TMEM132D: variants seen among roughly 807,000 people sequenced by gnomAD.
The protein encoded by TMEM132D is transmembrane protein 132D, also known as mature OL transmembrane protein.
In TMEM132D, 21 loss-of-function variants were observed where a neutral mutation model predicts 62.3. The observed-to-expected ratio is 0.34, with a 90% CI of 0.24 to 0.49. TMEM132D has a LOEUF of 0.49. TMEM132D is among the 20% of genes least tolerant of loss of function. TMEM132D has a pLI of 0.99. For missense variants in TMEM132D, 1,346 were observed against 1,402.8 expected, an observed-to-expected ratio of 0.96 and a Z score of 0.65; for synonymous variants, 621 against 575.6, an observed-to-expected ratio of 1.08 and a Z score of -1.13.
chr12:129,115,515 A>C (rs555467961), intron 5 of TMEM132D, among the ~76,000 whole-genome samples: 2 of 152,282 alleles, frequency 1.3e-5, no homozygotes, highest in South Asian at 4.2e-4. Context: ...CTCTTACTAA[A>C]GAGGGCTGGC....
At chr12:129,318,804 G>A (rs1326673445) in intron 4 of TMEM132D, among the ~76,000 whole-genome samples, 1 of 152,130 alleles carries the variant, frequency 6.6e-6, no homozygotes, top group Non-Finnish European at 1.5e-5. Context: ...TGCTGCTGCT[G>A]CTATGGGGGA....
chr12:129,275,627 A>T (rs1334521214), intron 4 of TMEM132D, among the ~76,000 whole-genome samples: 1 of 152,214 alleles, frequency 6.6e-6, no homozygotes, highest in Non-Finnish European at 1.5e-5. Flanking sequence ...GGATGCTGGA[A>T]TAAGGAGATC....
At chr12:129,098,641 G>A (rs1480631973) in intron 5 of TMEM132D, among the ~76,000 whole-genome samples, 2 of 152,284 alleles carry the variant, frequency 1.3e-5, no homozygotes, top group East Asian at 1.9e-4. Context: ...GTGAACGTAT[G>A]TGGTAGACTG....
intron 1 of TMEM132D, among the ~76,000 whole-genome samples, chr12:129,769,281 C>T (rs917992024): frequency 4.6e-5 from 7 of 152,116 alleles, no homozygotes; most frequent in African/African-American, 1.4e-4. Flanking sequence ...GCTGGGGAGG[C>T]CTCACAATCA....
chr12:129,824,438 C>T (rs1244996135), intron 1 of TMEM132D, among the ~76,000 whole-genome samples: 5 of 152,150 alleles, frequency 3.3e-5, no homozygotes, highest in African/African-American at 4.8e-5. Context: ...TGCTTGTGCC[C>T]TCCCCCGCCC....
intron 4 of TMEM132D, among the ~76,000 whole-genome samples, chr12:129,278,134 C>G (rs1457029142): frequency 6.6e-6 from 1 of 152,182 alleles, no homozygotes; most frequent in Non-Finnish European, 1.5e-5. Flanking sequence ...AAGCTCCCAA[C>G]TCCAATGGAA....
intron 4 of TMEM132D, among the ~76,000 whole-genome samples, chr12:129,289,534 A>G (rs1264991970): frequency 1.4e-5 from 2 of 148,088 alleles, no homozygotes; most frequent in Admixed American, 6.9e-5. Flanking sequence ...ACAAGAGTGA[A>G]ATTCCATCTC....
At chr12:129,358,010 T>C (rs924322443) in intron 3 of TMEM132D, among the ~76,000 whole-genome samples, 7 of 152,222 alleles carry the variant, frequency 4.6e-5, no homozygotes, top group African/African-American at 1.7e-4. Context: ...ATCAGCATTT[T>C]CAGTATAAAA....
intron 2 of TMEM132D, among the ~76,000 whole-genome samples, chr12:129,564,125 A>AC (rs1259971696): frequency 6.6e-6 from 1 of 152,168 alleles, no homozygotes; most frequent in African/African-American, 2.4e-5. Flanking sequence ...CACCTAGCTG[A>AC]CCTGCCTAGG....
At chr12:129,092,292 TTC>T (rs1259165421) in intron 5 of TMEM132D, among the ~76,000 whole-genome samples, 29 of 142,130 alleles carry the variant, frequency 2.0e-4, no homozygotes, top group African/African-American at 6.7e-4. Flanking sequence ...GTTCTAATAT[TTC>T]TCTCTTTCCT....
intron 1 of TMEM132D, among the ~76,000 whole-genome samples, chr12:129,704,538 G>A (rs1376025949): frequency 6.6e-6 from 1 of 152,218 alleles, no homozygotes; most frequent in African/African-American, 2.4e-5. Flanking sequence ...CTCCTGGAAT[G>A]AGTCCAAACC....
At chr12:129,417,232 C>T (rs1206177087) in intron 3 of TMEM132D, among the ~76,000 whole-genome samples, 1 of 151,874 alleles carries the variant, frequency 6.6e-6, no homozygotes, top group African/African-American at 2.4e-5. Context: ...AGAAGAGCCC[C>T]TATAGCCAAG....
chr12:129,269,731 T>A (rs183817883), intron 4 of TMEM132D, among the ~76,000 whole-genome samples: 1 of 152,154 alleles, frequency 6.6e-6, no homozygotes, highest in Admixed American at 6.5e-5. Flanking sequence ...TCCTGCCTGT[T>A]CCGCTCCAGC....
At chr12:129,604,757 A>T (rs1315037517) in intron 2 of TMEM132D, among the ~76,000 whole-genome samples, 1 of 152,226 alleles carries the variant, frequency 6.6e-6, no homozygotes, top group Non-Finnish European at 1.5e-5. Context: ...ATGAGATTTA[A>T]TTATCATTAT....
intron 8 of TMEM132D, 54 bp from the exon 9 acceptor site, chr12:129,075,113 C>CCAAGT (rs1874210230): frequency 6.7e-7 from 1 of 1,490,254 alleles, no homozygotes; most frequent in Non-Finnish European, 9.1e-7. Context: ...TCATTGAGCC[C>CCAAGT]CAAGTCTTAG....
chr12:129,887,833 C>CA lies in TMEM132D; in HGVS notation c.79+15427dup, dbSNP rs543642879. 1.2e-4 allele frequency among the ~76,000 whole-genome samples: 18 copies of CA among 151,836 alleles called. No individual in the cohort carries two copies. In the South Asian group the frequency reaches 3.8e-3, roughly 32 times the overall value. ...GGGTTGCATTTATCCAAACTACAGG[C>CA]AAAAAACAACTCCCTAATGTATTCT... On this transcript the variant is annotated intron_variant, in intron 1 of 8. Transcript: ENST00000422113.
intron 1 of TMEM132D, among the ~76,000 whole-genome samples, chr12:129,887,970 A>T (rs568247118): frequency 6.6e-6 from 1 of 152,250 alleles, no homozygotes; most frequent in South Asian, 2.1e-4. Context: ...ACACAGCTGT[A>T]CTCAAAATCA....
intron 1 of TMEM132D, among the ~76,000 whole-genome samples, chr12:129,764,566 G>A (rs185349049): frequency 6.2e-5 from 9 of 145,088 alleles, no homozygotes; most frequent in South Asian, 2.3e-4. Flanking sequence ...GTGTGTGCAC[G>A]TGCATGTGTA....
intron 5 of TMEM132D, among the ~76,000 whole-genome samples, chr12:129,196,008 T>G (rs1878539084): frequency 6.6e-6 from 1 of 152,040 alleles, no homozygotes; most frequent in Non-Finnish European, 1.5e-5. Flanking sequence ...ACGCCTGTAA[T>G]CTCAGCTACT....
Sources: allele counts gnomAD v4.1 joint callset (sites outside exome capture counted in the v4.1 genomes callset), GRCh38; gene constraint gnomAD v4.1.1; transcripts MANE v1.5; gene names NCBI Gene and HGNC (gene_info 2026-07-23, HGNC 2026-07-21).